The following PHIP variants were observed in gnomAD, a reference collection of about 807,000 sequenced individuals.
The protein encoded by PHIP is PHIP subunit of CUL4-Ring ligase complex, also known as PH-interacting protein.
In PHIP, 54 loss-of-function variants were observed where a neutral mutation model predicts 236.8. The ratio of observed to expected loss-of-function variants is 0.23; its 90% CI spans 0.18 to 0.29. The LOEUF is 0.29. Among genes scored for constraint, PHIP ranks in the 10% least tolerant of loss-of-function variants. The probability of loss-of-function intolerance (pLI) is 1.00; values close to 1 mark genes in which losing one functional copy is unlikely to be tolerated. For missense variants in PHIP, 1,370 were observed against 2,190.8 expected (o/e 0.63, Z 7.48); for synonymous variants, 756 against 718.9 (o/e 1.05, Z -0.83).
chr6:79,019,303 A>G (rs371044592), intron 9 of PHIP, 144 bp from the exon 10 acceptor site: 9 of 609,822 alleles, frequency 1.5e-5, no homozygotes, highest in East Asian at 1.4e-4. Context: ...AGAAATCATT[A>G]TGTGTCATAA....
At chr6:79,013,646 A>G (rs1197092109) in intron 15 of PHIP, among the ~76,000 whole-genome samples, 3 of 151,710 alleles carry the variant, frequency 2.0e-5, no homozygotes, top group East Asian at 3.9e-4. Context: ...TATCTACTGA[A>G]AAGGTAGAAT....
chr6:78,986,065 G>A (rs1241370323), intron 21 of PHIP, among the ~76,000 whole-genome samples: 1 of 151,974 alleles, frequency 6.6e-6, no homozygotes, highest in Non-Finnish European at 1.5e-5. Flanking sequence ...TTTACTTCTT[G>A]AGCCTTTTTA....
chr6:79,003,564 C>T (rs1281731159), intron 16 of PHIP, among the ~76,000 whole-genome samples, 166 bp downstream of exon 16: 3 of 151,922 alleles, frequency 2.0e-5, no homozygotes, highest in Non-Finnish European at 4.4e-5. Context: ...TAACTGCTGT[C>T]TTCACCTTCC....
intron 15 of PHIP, among the ~76,000 whole-genome samples, chr6:79,012,301 CTG>C (rs1357942595): frequency 6.6e-6 from 1 of 151,638 alleles, no homozygotes; most frequent in Non-Finnish European, 1.5e-5. Flanking sequence ...TGTACTAAAA[CTG>C]TTATTCTAAA....
intron 25 of PHIP, 102 bp from the exon 26 acceptor site, chr6:78,970,275 C>G: frequency 1.0e-6 from 1 of 962,046 alleles, no homozygotes; most frequent in Non-Finnish European, 1.6e-6. Context: ...AAATCTTGAT[C>G]TGGATGGTGA....
At chr6:79,001,564 C>T (rs1266418614) in intron 17 of PHIP, among the ~76,000 whole-genome samples, 5 of 152,002 alleles carry the variant, frequency 3.3e-5, no homozygotes, top group African/African-American at 4.8e-5. Flanking sequence ...TACTGAATAG[C>T]CATGGCTTAG....
intron 35 of PHIP, among the ~76,000 whole-genome samples, chr6:78,951,162 C>T (rs1245743870): frequency 6.6e-6 from 1 of 152,068 alleles, no homozygotes; most frequent in Non-Finnish European, 1.5e-5. Flanking sequence ...ATTGGCTTTA[C>T]AAACTTTGTG....
At chr6:79,063,187 G>C (rs1274723434) in intron 4 of PHIP, among the ~76,000 whole-genome samples, 1 of 152,118 alleles carries the variant, frequency 6.6e-6, no homozygotes, top group African/African-American at 2.4e-5. Context: ...TGCATAAGGA[G>C]AGATTGGGCC....
At chr6:78,961,057 A>G (rs746852336) in intron 31 of PHIP, among the ~76,000 whole-genome samples, 2 of 152,094 alleles carry the variant, frequency 1.3e-5, no homozygotes, top group Non-Finnish European at 2.9e-5. Flanking sequence ...AACTATAAAC[A>G]TATTTTTTGA....
chr6:79,066,614 C>A (rs1367239995), intron 4 of PHIP, among the ~76,000 whole-genome samples: 12 of 152,074 alleles, frequency 7.9e-5, no homozygotes, highest in Admixed American at 7.9e-4. Context: ...AAAAGAGAAA[C>A]ATTTCACAGT....
intron 4 of PHIP, among the ~76,000 whole-genome samples, chr6:79,076,990 C>T (rs1774193189): frequency 2.0e-5 from 3 of 152,188 alleles, no homozygotes; most frequent in Admixed American, 2.0e-4. Context: ...AATGCTAATG[C>T]CACTTCGGAG....
rs2127675680 is a variant in PHIP, at chr6:78,939,034, C to T, written c.*1659G>A. The T allele has an allele frequency of 6.6e-6, 1 of 151,744 alleles. No homozygotes were observed. The highest frequency in any genetic ancestry group is 6.6e-5 in the Admixed American group (1 of 15,252). The allele number at this position is 151,744 out of a possible 1,614,324, so 9.4% of individuals were successfully genotyped here. ...ATGTAGTATCTGAAAATTTTGATTA[C>T]ATTTTTGTACCATACCAGTCCTCAG... On this transcript the variant is annotated 3_prime_UTR_variant, in exon 40 of 40. Coordinates refer to ENST00000275034, the MANE Select transcript of PHIP (RefSeq NM_017934.7).
intron 4 of PHIP, among the ~76,000 whole-genome samples, chr6:79,070,963 C>T (rs1562225112): frequency 6.6e-6 from 1 of 152,064 alleles, no homozygotes; most frequent in African/African-American, 2.4e-5. Context: ...GTCTCTTCTG[C>T]AAAAAAACCT....
rs1349485197 is a variant in PHIP, at chr6:79,066,880, C to T, written c.190-6062G>A. Among the ~76,000 whole-genome samples, 11 of 152,064 alleles carry T rather than the reference C, an allele frequency of 7.2e-5. No individual in the cohort carries two copies. The East Asian group carries it at 2.1e-3, about 29-fold the overall frequency. On this transcript the variant is annotated intron_variant, in intron 4 of 39. Transcript: ENST00000275034. ...GCTCAAAACTTTTTAAACTCATCCA[C>T]CCTGGTTTTGTTTTTGTTTGTTTTT...
At position 79,039,005 on chromosome 6, in the gene PHIP, C is replaced by A. The variant is rs147987321; in HGVS notation, c.600+3838G>T. ...AAATCCTATTTTTAATCTGTCAATT[C>A]CATCCCACTGTGACTGTTTAATCCC... On this transcript the variant is annotated intron_variant, in intron 7 of 39. Coordinates refer to ENST00000275034, the MANE Select transcript of PHIP (RefSeq NM_017934.7). 8.8e-3 allele frequency among the ~76,000 whole-genome samples: 1,338 copies of A among 152,244 alleles called. 20 individuals carry two copies. The highest frequency in any genetic ancestry group is 0.029 in the African/African-American group (1,211 of 41,548).
chr6:79,024,991 A>G (rs1771324166), intron 9 of PHIP, among the ~76,000 whole-genome samples: 1 of 152,134 alleles, frequency 6.6e-6, no homozygotes, highest in Non-Finnish European at 1.5e-5. Flanking sequence ...GATAAACCGA[A>G]GTATTAATAT....
Position 78,969,925 on chromosome 6 carries a change from C to T in PHIP, c.3123-8G>A. ...TCAGGCATATCATGGTATCTAATTA[C>T]AAACAGAAACAAATTGATTAGGTCA... On this transcript the variant is annotated splice_polypyrimidine_tract_variant and splice_region_variant and intron_variant, in intron 26 of 39. Coordinates refer to ENST00000275034, the MANE Select transcript of PHIP (RefSeq NM_017934.7). 2 of 1,577,664 alleles carry T rather than the reference C, an allele frequency of 1.3e-6. No individual in the cohort carries two copies. The highest frequency in any genetic ancestry group is 1.7e-6 in the Non-Finnish European group (2 of 1,154,440).
At chr6:78,992,933 G>A (rs557102020) in intron 19 of PHIP, among the ~76,000 whole-genome samples, 21 of 152,192 alleles carry the variant, frequency 1.4e-4, no homozygotes, top group Non-Finnish European at 2.5e-4. Context: ...TCTGAGACAG[G>A]CTGAAAGCTA....
At chr6:78,953,909 A>C (rs1232882579) in intron 35 of PHIP, among the ~76,000 whole-genome samples, 1 of 152,066 alleles carries the variant, frequency 6.6e-6, no homozygotes, top group Non-Finnish European at 1.5e-5. Flanking sequence ...ACATTTAATT[A>C]CTTTTTAAAG....
Sources: allele counts gnomAD v4.1 joint callset (sites outside exome capture counted in the v4.1 genomes callset), GRCh38; gene constraint gnomAD v4.1.1; transcripts MANE v1.5; gene names NCBI Gene and HGNC (gene_info 2026-07-23, HGNC 2026-07-21).